Variants in TRIM9 observed in about 807,000 individuals in gnomAD.
TRIM9 encodes the protein E3 ubiquitin-protein ligase TRIM9.
A neutral mutation model predicts 78.3 loss-of-function variants in TRIM9; 26 were observed. The observed-to-expected ratio is 0.33, with a 90% confidence interval of 0.24 to 0.46. The LOEUF is 0.46. Among genes scored for constraint, TRIM9 ranks in the 20% least tolerant of loss-of-function variants. The pLI is 1.00. For synonymous variants in TRIM9, 398 were observed against 416.5 expected, an observed-to-expected ratio of 0.96 and a Z score of 0.54; for missense variants, 787 against 1,036.4, an observed-to-expected ratio of 0.76 and a Z score of 3.30.
chr14:51,040,193 G>A (rs1432216024), intron 1 of TRIM9, among the ~76,000 whole-genome samples: 1 of 152,164 alleles, frequency 6.6e-6, no homozygotes, highest in Non-Finnish European at 1.5e-5. Context: ...TATATTTTCA[G>A]TTGGACCTCT....
chr14:51,094,257 G>T lies in TRIM9; in HGVS notation c.683C>A (p.Thr228Asn). 1 of 1,614,196 alleles carries T rather than the reference G, an allele frequency of 6.2e-7. No homozygotes were observed. Residue 228 changes from threonine to asparagine, a missense_variant, in exon 1 of 13, where the codon ACC becomes AAC. This residue lies in a region of TRIM9 where 352 missense variants were observed against 472.3 expected (regional missense o/e 0.75). Transcript: ENST00000684578. ...GTTCTCCAGCTCGTGGTCTGTGCAG[G>T]TGGAGACCTTGCGTGGGCTCAGCCT... ...SRRLSPRKVS[T>N]CTDHELENHS...
At chr14:51,032,963 G>C (rs1215793222) in intron 1 of TRIM9, among the ~76,000 whole-genome samples, 4 of 152,088 alleles carry the variant, frequency 2.6e-5, no homozygotes, top group African/African-American at 9.7e-5. Flanking sequence ...CAGATTTTTG[G>C]ATTAGTGATC....
At position 50,995,930 on chromosome 14, in the gene TRIM9, G is replaced by A. The variant is rs149164487; in HGVS notation, c.1603+2120C>T. The A allele has an allele frequency of 2.8e-5, 6 of 211,250 alleles. No individual in the cohort carries two copies. The East Asian group carries it at 1.1e-3, about 39-fold the overall frequency. The allele number at this position is 211,250 out of a possible 1,614,324, so 13.1% of individuals were successfully genotyped here. On this transcript the variant is annotated intron_variant, in intron 7 of 12. Coordinates refer to ENST00000684578, the MANE Select transcript of TRIM9 (RefSeq NM_001387360.1). ...AAGAGATAATTATTTGATCCTATAGGCTTTGTCTATTGTTACAGATCGATC... is the reference window on the plus strand; with the variant it reads ...AAGAGATAATTATTTGATCCTATAGACTTTGTCTATTGTTACAGATCGATC...
chr14:51,079,823 C>T (rs913128405), intron 1 of TRIM9, among the ~76,000 whole-genome samples: 1 of 152,092 alleles, frequency 6.6e-6, no homozygotes, highest in African/African-American at 2.4e-5. Context: ...CAGGTCAGAA[C>T]AAGCCATAGA....
intron 3 of TRIM9, among the ~76,000 whole-genome samples, chr14:51,020,972 A>G (rs1379821032): frequency 6.6e-6 from 1 of 152,222 alleles, no homozygotes; most frequent in Non-Finnish European, 1.5e-5. Context: ...TTAAGAAGAA[A>G]GTTAAAATGT....
rs558794463 is a variant in TRIM9 at position 51,080,504 on chromosome 14, C to T, written c.822+13614G>A. ...ACGGAGAAACAACTAAAAAATGAGT[C>T]TTTGGATGTTCAGAATTCTTAATGT... On this transcript the variant is annotated intron_variant, in intron 1 of 12. Transcript: ENST00000684578. Among the ~76,000 whole-genome samples the T allele has an allele frequency of 2.6e-5, 4 of 151,036 alleles. No homozygotes were observed. The East Asian group carries it at 5.9e-4, about 22-fold the overall frequency.
intron 1 of TRIM9, among the ~76,000 whole-genome samples, chr14:51,030,730 T>G (rs1372956376): frequency 6.6e-6 from 1 of 152,122 alleles, no homozygotes; most frequent in Non-Finnish European, 1.5e-5. Flanking sequence ...ATGTCATCAG[T>G]GGAGTATGGG....
intron 7 of TRIM9, among the ~76,000 whole-genome samples, chr14:50,991,847 C>A (rs1028593705): frequency 6.6e-5 from 10 of 152,156 alleles, no homozygotes; most frequent in Admixed American, 5.2e-4. Flanking sequence ...TACACCACAG[C>A]TGTGGAGGGA....
chr14:51,063,218 C>A (rs1205574752), intron 1 of TRIM9, among the ~76,000 whole-genome samples: 5 of 152,018 alleles, frequency 3.3e-5, no homozygotes, highest in Non-Finnish European at 5.9e-5. Context: ...TAATAAGCAT[C>A]AATTTAATGG....
At chr14:51,087,105 G>C (rs1364800749) in intron 1 of TRIM9, among the ~76,000 whole-genome samples, 4 of 152,102 alleles carry the variant, frequency 2.6e-5, no homozygotes, top group Non-Finnish European at 4.4e-5. Flanking sequence ...AGGCTGGTCT[G>C]GTCCACAGCT....
chr14:51,005,091 A>G (rs955119227), intron 5 of TRIM9, among the ~76,000 whole-genome samples: 3 of 152,196 alleles, frequency 2.0e-5, no homozygotes, highest in African/African-American at 4.8e-5. Context: ...CTGGAAAGCT[A>G]TTACCGGTAC....
chr14:50,985,641 T>G (rs773556667), intron 8 of TRIM9, among the ~76,000 whole-genome samples: 9 of 152,200 alleles, frequency 5.9e-5, no homozygotes, highest in Non-Finnish European at 1.2e-4. Flanking sequence ...GCCCGTGCCG[T>G]GCTATGCCAC....
intron 7 of TRIM9, among the ~76,000 whole-genome samples, chr14:50,991,668 G>T (rs2053527153): frequency 6.6e-6 from 1 of 152,176 alleles, no homozygotes; most frequent in African/African-American, 2.4e-5. Flanking sequence ...GAGGCAGGAG[G>T]TATCTAATGC....
intron 1 of TRIM9, among the ~76,000 whole-genome samples, chr14:51,058,634 T>C (rs985792914): frequency 6.9e-6 from 1 of 145,266 alleles, no homozygotes; most frequent in African/African-American, 2.5e-5. Context: ...GGCCAGAGGA[T>C]GGCCCCAAGA....
At chr14:51,044,078 T>C (rs1375924753) in intron 1 of TRIM9, among the ~76,000 whole-genome samples, 1 of 152,192 alleles carries the variant, frequency 6.6e-6, no homozygotes, top group Non-Finnish European at 1.5e-5. Flanking sequence ...AATTTTTAAT[T>C]TGTTTTTAAT....
intron 1 of TRIM9, among the ~76,000 whole-genome samples, chr14:51,065,458 A>G (rs991472771): frequency 1.3e-5 from 2 of 152,198 alleles, no homozygotes; most frequent in Non-Finnish European, 1.5e-5. Context: ...ACAATATGTC[A>G]TCTTCCAGCC....
At chr14:51,093,532 G>A (rs950445197) in intron 1 of TRIM9, among the ~76,000 whole-genome samples, 1 of 152,250 alleles carries the variant, frequency 6.6e-6, no homozygotes, top group Non-Finnish European at 1.5e-5. Context: ...TTGAGCACGT[G>A]GCACCAGGAC....
intron 12 of TRIM9, chr14:50,979,153 A>G: frequency 7.1e-7 from 1 of 1,410,582 alleles, no homozygotes; most frequent in South Asian, 1.7e-5. Context: ...AGAGAATTCT[A>G]GTTTCCTATG....
chr14:51,087,586 C>G (rs2063884205), intron 1 of TRIM9, among the ~76,000 whole-genome samples: 2 of 152,128 alleles, frequency 1.3e-5, no homozygotes, highest in South Asian at 4.1e-4. Context: ...TTAACAAAAC[C>G]TAGATGGTCT....
Sources: allele counts gnomAD v4.1 joint callset (sites outside exome capture counted in the v4.1 genomes callset), GRCh38; gene constraint gnomAD v4.1.1; regional missense constraint gnomAD v4.1.1; transcripts MANE v1.5; gene names NCBI Gene and HGNC (gene_info 2026-07-23, HGNC 2026-07-21).